Variants in ACTR3B observed in about 807,000 individuals in gnomAD.
The protein encoded by ACTR3B is actin related protein 3B.
ACTR3B carries 8 observed loss-of-function variants against 59.0 expected under a neutral mutation model. That is an observed-to-expected ratio of 0.14 (90% CI 0.08 to 0.24). The LOEUF is 0.24. ACTR3B is among the 10% of genes least tolerant of loss of function. The probability of loss-of-function intolerance (pLI) is 1.00; values close to 1 mark genes in which losing one functional copy is unlikely to be tolerated. For missense variants in ACTR3B, 245 were observed against 552.3 expected, an observed-to-expected ratio of 0.44 and a Z score of 5.58; for synonymous variants, 148 against 197.9, an observed-to-expected ratio of 0.75 and a Z score of 2.12.
At chr7:152,853,627 T>TGGGTAAATACTGTCTAC (rs1233264897) in intron 11 of ACTR3B, 50 bp downstream of exon 11, 1 of 1,526,074 alleles carries the variant, frequency 6.6e-7, no homozygotes, top group African/African-American at 1.4e-5. Context: ...TGCTCTCGGT[T>TGGGTAAATACTGTCTAC]GAGTTTGGGT....
At chr7:152,788,531 G>C (rs1437188940) in intron 2 of ACTR3B, among the ~76,000 whole-genome samples, 2 of 150,720 alleles carry the variant, frequency 1.3e-5, no homozygotes, top group African/African-American at 2.4e-5. Flanking sequence ...CCTGCCCTCA[G>C]CCTCCCGAGT....
At chr7:152,849,031 G>T (rs1798586688) in intron 9 of ACTR3B, among the ~76,000 whole-genome samples, 1 of 152,160 alleles carries the variant, frequency 6.6e-6, no homozygotes, top group Non-Finnish European at 1.5e-5. Flanking sequence ...GTGACCTCAT[G>T]GTCTCCCTGT....
At chr7:152,815,797 TG>T (rs1335424899) in intron 5 of ACTR3B, among the ~76,000 whole-genome samples, 2 of 152,254 alleles carry the variant, frequency 1.3e-5, no homozygotes, top group Non-Finnish European at 2.9e-5. Flanking sequence ...CCTAGTAATC[TG>T]TATTTTAAAC....
chr7:152,855,331 C>A lies in ACTR3B; in HGVS notation c.*778C>A, dbSNP rs2117041108. On this transcript the variant is annotated 3_prime_UTR_variant, in exon 12 of 12. Coordinates refer to ENST00000256001, the MANE Select transcript of ACTR3B (RefSeq NM_020445.6). ...TTGTCGGTGAGTGTTGGATGAAATACTTCCTTGCACCATTGTAATAAAAGC... is the reference window on the plus strand; with the variant it reads ...TTGTCGGTGAGTGTTGGATGAAATAATTCCTTGCACCATTGTAATAAAAGC... 6.6e-6 allele frequency: 1 copy of A among 152,260 alleles called. No homozygotes were observed. Among genetic ancestry groups the A allele is most frequent in the Non-Finnish European group, 1.5e-5 (1 of 68,030 alleles). The allele number at this position is 152,260 out of a possible 1,614,324, so 9.4% of individuals were successfully genotyped here.
At chr7:152,842,269 A>C (rs1455892203) in intron 9 of ACTR3B, among the ~76,000 whole-genome samples, 1 of 152,222 alleles carries the variant, frequency 6.6e-6, no homozygotes, top group Non-Finnish European at 1.5e-5. Context: ...AGCAATAACT[A>C]ATAATAATAT....
intron 1 of ACTR3B, among the ~76,000 whole-genome samples, chr7:152,768,514 T>C (rs919353281): frequency 6.6e-6 from 1 of 152,174 alleles, no homozygotes; most frequent in Admixed American, 6.5e-5. Flanking sequence ...TTCACTCTTG[T>C]TGCCCAGGCT....
intron 9 of ACTR3B, among the ~76,000 whole-genome samples, chr7:152,828,343 C>CTT (rs1796744877): frequency 2.6e-5 from 4 of 151,990 alleles, no homozygotes; most frequent in Admixed American, 2.6e-4. Flanking sequence ...TTTCTGGAAG[C>CTT]CGTCAGCCCT....
In ACTR3B at chr7:152,781,193, GTT is replaced by G. The variant is rs369933153; in HGVS notation, c.45-1972_45-1971del. Among the ~76,000 whole-genome samples, 506 of 94,398 alleles carry G rather than the reference GTT, an allele frequency of 5.4e-3. 2 individuals are homozygous for G. The highest frequency in any genetic ancestry group is 0.041 in the South Asian group (102 of 2,516). The allele number at this position is 94,398 out of a possible 152,430, so 61.9% of individuals were successfully genotyped here. On this transcript the variant is annotated intron_variant, in intron 1 of 11. Transcript: ENST00000256001. The stretch of plus-strand genomic sequence containing the variant: ...ACGCTTTACCATATTCGTTTCAGTG[GTT>G]TTTTTTTTTTTTTTTTTTTTTCTGA...
intron 1 of ACTR3B, among the ~76,000 whole-genome samples, chr7:152,760,620 A>G (rs958308077): frequency 6.6e-6 from 1 of 152,244 alleles, no homozygotes; most frequent in Non-Finnish European, 1.5e-5. Context: ...AAAAGACTCC[A>G]TTTTGAAAAA....
intron 4 of ACTR3B, among the ~76,000 whole-genome samples, chr7:152,810,420 T>C (rs1216638514): frequency 5.6e-5 from 6 of 107,224 alleles, no homozygotes; most frequent in Non-Finnish European, 9.9e-5. Flanking sequence ...TTTTTTTTTT[T>C]TTTTTTTTGT....
intron 2 of ACTR3B, among the ~76,000 whole-genome samples, chr7:152,794,245 G>T (rs944786673): frequency 6.6e-6 from 1 of 152,044 alleles, no homozygotes; most frequent in East Asian, 1.9e-4. Flanking sequence ...TTTACACAGA[G>T]TCTTGCTCTG....
rs1259055144 is a variant in ACTR3B, at chr7:152,823,325, T to G, written c.685-17T>G. ...GCAGTTGTTAATGCCTGGCAACATC[T>G]TTGTGTGTGTATGCAGGAGAAATAC... On this transcript the variant is annotated splice_polypyrimidine_tract_variant and intron_variant, in intron 7 of 11. Coordinates refer to ENST00000256001, the MANE Select transcript of ACTR3B (RefSeq NM_020445.6). The G allele has an allele frequency of 6.2e-7, 1 of 1,611,106 alleles. No individual in the cohort carries two copies. Among genetic ancestry groups the G allele is most frequent in the Non-Finnish European group, 8.5e-7 (1 of 1,178,438 alleles).
chr7:152,776,814 T>C (rs2098137167), intron 1 of ACTR3B, among the ~76,000 whole-genome samples: 1 of 152,210 alleles, frequency 6.6e-6, no homozygotes. Context: ...CCTATTAAGC[T>C]GGCCTCACAT....
At chr7:152,817,180 T>C (rs1285326588) in intron 6 of ACTR3B, among the ~76,000 whole-genome samples, 1 of 152,158 alleles carries the variant, frequency 6.6e-6, no homozygotes, top group Non-Finnish European at 1.5e-5. Flanking sequence ...AGGTCGGGAA[T>C]TTGAGACCTG....
intron 1 of ACTR3B, among the ~76,000 whole-genome samples, chr7:152,762,703 C>T (rs1259623642): frequency 2.6e-5 from 4 of 152,176 alleles, no homozygotes; most frequent in South Asian, 2.1e-4. Context: ...TCCCCATCAG[C>T]GGCATACATT....
chr7:152,791,549 C>G (rs1313441616), intron 2 of ACTR3B, among the ~76,000 whole-genome samples: 1 of 152,154 alleles, frequency 6.6e-6, no homozygotes. Flanking sequence ...GAAGTGAGAC[C>G]CTGTCTCTAA....
intron 2 of ACTR3B, among the ~76,000 whole-genome samples, chr7:152,787,712 G>T (rs555259831): frequency 6.6e-6 from 1 of 151,868 alleles, no homozygotes; most frequent in African/African-American, 2.4e-5. Context: ...GAATGTTTTC[G>T]GTGTCTTTTG....
At chr7:152,853,214 A>G (rs1258028255) in intron 10 of ACTR3B, among the ~76,000 whole-genome samples, 1 of 148,618 alleles carries the variant, frequency 6.7e-6, no homozygotes, top group African/African-American at 2.5e-5. Context: ...AATTGCTTGG[A>G]TTTTGTGCTT....
At chr7:152,763,868 G>A (rs2098099072) in intron 1 of ACTR3B, among the ~76,000 whole-genome samples, 1 of 152,168 alleles carries the variant, frequency 6.6e-6, no homozygotes, top group African/African-American at 2.4e-5. Flanking sequence ...TTTATTGTCT[G>A]TATGAGTTGT....
Sources: gnomAD v4.1 joint callset for allele counts (sites outside exome capture counted in the v4.1 genomes callset) on GRCh38, gnomAD v4.1.1 for gene constraint, MANE v1.5 for transcripts, NCBI Gene and HGNC (gene_info 2026-07-23, HGNC 2026-07-21) for gene names.